LINGO2: variants seen among roughly 807,000 people sequenced by gnomAD.
LINGO2 encodes the protein leucine rich repeat and Ig domain containing 2, also known as leucine-rich repeat and immunoglobulin-like domain-containing nogo receptor-interacting protein 2.
LINGO2 carries 14 observed loss-of-function variants against 30.6 expected under a neutral mutation model. The ratio of observed to expected loss-of-function variants is 0.46; its 90% CI spans 0.30 to 0.72. The LOEUF (loss-of-function observed/expected upper bound fraction) is 0.72, where lower values mean the gene tolerates loss of function less well. Ranked by LOEUF, LINGO2 falls within the 30% of genes least tolerant of loss-of-function variation. The pLI, the probability that LINGO2 is intolerant of heterozygous loss-of-function variation, is 0.07. For synonymous variants in LINGO2, 317 were observed against 288.5 expected (o/e 1.10, Z -1.00); for missense variants, 729 against 751.7 (o/e 0.97, Z 0.35).
chr9:28,087,095 AAAG>A (rs1825937231), intron 4 of LINGO2, among the ~76,000 whole-genome samples: 1 of 152,074 alleles, frequency 6.6e-6, no homozygotes, highest in Admixed American at 6.6e-5. Flanking sequence ...TTTTTGAAGA[AAAG>A]AAAGCATAAA....
intron 1 of LINGO2, among the ~76,000 whole-genome samples, chr9:28,641,682 A>G (rs1170542684): frequency 6.6e-6 from 1 of 152,224 alleles, no homozygotes; most frequent in Non-Finnish European, 1.5e-5. Flanking sequence ...GGAAATTTAA[A>G]TAAGATATAC....
At chr9:28,174,469 T>A (rs1354716485) in intron 4 of LINGO2, among the ~76,000 whole-genome samples, 1 of 152,088 alleles carries the variant, frequency 6.6e-6, no homozygotes, top group Non-Finnish European at 1.5e-5. Flanking sequence ...TCTCTCTCCC[T>A]CTGTCTCACA....
chr9:28,076,242 T>A (rs1444270078), intron 4 of LINGO2, among the ~76,000 whole-genome samples: 2 of 152,170 alleles, frequency 1.3e-5, no homozygotes, highest in Non-Finnish European at 2.9e-5. Context: ...AAAATATGTT[T>A]GGTTGATCTT....
chr9:29,100,016 G>T, the LINGO2 span, among the ~76,000 whole-genome samples: 1 of 152,182 alleles, frequency 6.6e-6, no homozygotes, highest in Non-Finnish European at 1.5e-5. Context: ...TAAAGAAAAT[G>T]TGGTACATAG....
intron 4 of LINGO2, among the ~76,000 whole-genome samples, chr9:28,023,732 T>C (rs575987474): frequency 6.6e-6 from 1 of 152,326 alleles, no homozygotes; most frequent in East Asian, 1.9e-4. Context: ...GTAACTCTTC[T>C]TCTTCTCCCC....
the LINGO2 span, among the ~76,000 whole-genome samples, chr9:28,929,422 T>G: frequency 6.6e-6 from 1 of 152,202 alleles, no homozygotes; most frequent in Non-Finnish European, 1.5e-5. Context: ...AAGTTTCAAC[T>G]GGGCTGAGGA....
chr9:28,780,902 C>A, the LINGO2 span, among the ~76,000 whole-genome samples: 1 of 148,174 alleles, frequency 6.7e-6, no homozygotes, highest in Non-Finnish European at 1.5e-5. Context: ...ATATATGAGA[C>A]CAGATTGGAT....
chr9:28,615,202 T>C (rs143879316), intron 1 of LINGO2, among the ~76,000 whole-genome samples: 1 of 152,128 alleles, frequency 6.6e-6, no homozygotes, highest in East Asian at 1.9e-4. Flanking sequence ...CCCTAGAATA[T>C]CTTGGTCATT....
intron 5 of LINGO2, among the ~76,000 whole-genome samples, chr9:28,009,740 G>A (rs1487853206): frequency 6.6e-6 from 1 of 152,110 alleles, no homozygotes; most frequent in Non-Finnish European, 1.5e-5. Context: ...GTGGAGATAT[G>A]GGAACTCTCA....
intron 4 of LINGO2, among the ~76,000 whole-genome samples, chr9:28,070,700 T>C (rs1825447482): frequency 6.6e-6 from 1 of 151,236 alleles, no homozygotes; most frequent in Non-Finnish European, 1.5e-5. Flanking sequence ...CCAGAATTAC[T>C]ATTATTTTGT....
the LINGO2 span, among the ~76,000 whole-genome samples, chr9:28,698,644 T>C: frequency 6.6e-6 from 1 of 152,030 alleles, no homozygotes. Context: ...GTTTATTTTT[T>C]AGAGGACTTT....
chr9:29,206,991 C>T, the LINGO2 span, among the ~76,000 whole-genome samples: 3 of 151,824 alleles, frequency 2.0e-5, no homozygotes, highest in East Asian at 3.9e-4. Context: ...CCTCACCTCA[C>T]GAGGACTGCT....
At chr9:28,509,604 G>A (rs908980057) in intron 1 of LINGO2, among the ~76,000 whole-genome samples, 1 of 152,154 alleles carries the variant, frequency 6.6e-6, no homozygotes, top group African/African-American at 2.4e-5. Flanking sequence ...AGACAGGGCC[G>A]TTAAGGAGGT....
the LINGO2 span, among the ~76,000 whole-genome samples, chr9:28,749,251 C>A: frequency 6.6e-6 from 1 of 151,980 alleles, no homozygotes; most frequent in Admixed American, 6.6e-5. Flanking sequence ...GCCCTCTCCT[C>A]TGGAAAATGT....
intron 3 of LINGO2, among the ~76,000 whole-genome samples, chr9:28,342,965 G>A (rs1484417433): frequency 6.6e-6 from 1 of 152,100 alleles, no homozygotes; most frequent in East Asian, 1.9e-4. Context: ...ACATTCACTG[G>A]CAGCAAAAGC....
At chr9:28,241,850 C>A (rs897091870) in intron 4 of LINGO2, among the ~76,000 whole-genome samples, 1 of 152,002 alleles carries the variant, frequency 6.6e-6, no homozygotes, top group African/African-American at 2.4e-5. Context: ...TGAGGTAAAC[C>A]CCCAGCAAAC....
At chr9:28,772,018 C>T in the LINGO2 span, among the ~76,000 whole-genome samples, 1 of 152,084 alleles carries the variant, frequency 6.6e-6, no homozygotes, top group Admixed American at 6.6e-5. Flanking sequence ...ATCTGAAATA[C>T]CTAGCACAGT....
At chr9:28,878,044 C>T in the LINGO2 span, among the ~76,000 whole-genome samples, 18 of 152,002 alleles carry the variant, frequency 1.2e-4, no homozygotes, top group Non-Finnish European at 1.5e-4. Flanking sequence ...TTAATGAATC[C>T]GGGAGCTGGT....
chr9:28,965,183 T>C, the LINGO2 span, among the ~76,000 whole-genome samples: 1 of 151,918 alleles, frequency 6.6e-6, no homozygotes, highest in Admixed American at 6.6e-5. Flanking sequence ...ATTCTTAGGA[T>C]AGAAATTCAA....
Sources: gnomAD v4.1 joint callset for allele counts (sites outside exome capture counted in the v4.1 genomes callset) on GRCh38, gnomAD v4.1.1 for gene constraint, MANE v1.5 for transcripts, NCBI Gene and HGNC (gene_info 2026-07-23, HGNC 2026-07-21) for gene names.